The following JAZF1 variants were observed in gnomAD, a reference collection of about 807,000 sequenced individuals.
JAZF1 encodes the protein JAZF zinc finger 1, also known as juxtaposed with another zinc finger protein 1.
In JAZF1, 8 loss-of-function variants were observed where a neutral mutation model predicts 26.4. That is an observed-to-expected ratio of 0.30 (90% CI 0.18 to 0.55). The LOEUF is 0.55. JAZF1 is among the 20% of genes least tolerant of loss of function. JAZF1 has a pLI of 0.94. For synonymous variants in JAZF1, 126 were observed against 122.3 expected (o/e 1.03, Z -0.20); for missense variants, 199 against 322.0 (o/e 0.62, Z 2.92).
intron 3 of JAZF1, chr7:27,842,764 A>T (rs549125134): frequency 6.6e-6 from 1 of 152,344 alleles, no homozygotes; most frequent in Admixed American, 6.5e-5. Flanking sequence ...CTTGCTTGTT[A>T]GAAAACTATA....
intron 4 of JAZF1, among the ~76,000 whole-genome samples, chr7:27,839,028 C>T (rs529820735): frequency 9.4e-4 from 143 of 152,188 alleles, no homozygotes; most frequent in African/African-American, 3.3e-3. Context: ...TGCCAGAAAC[C>T]CAAGCAAAGG....
intron 1 of JAZF1, among the ~76,000 whole-genome samples, chr7:28,113,663 C>A (rs967654764): frequency 6.6e-6 from 1 of 152,158 alleles, no homozygotes; most frequent in Non-Finnish European, 1.5e-5. Context: ...TCATTTTACT[C>A]AATAATGAGG....
At chr7:27,856,658 C>G (rs1783262690) in intron 3 of JAZF1, among the ~76,000 whole-genome samples, 1 of 152,188 alleles carries the variant, frequency 6.6e-6, no homozygotes, top group African/African-American at 2.4e-5. Flanking sequence ...ACCAGATTAG[C>G]TAGATACAGA....
chr7:28,111,242 G>A (rs755406570), intron 1 of JAZF1, among the ~76,000 whole-genome samples: 3 of 152,196 alleles, frequency 2.0e-5, no homozygotes, highest in Non-Finnish European at 2.9e-5. Context: ...CAAATCTACC[G>A]TAGGCTTGCC....
chr7:27,902,187 C>T (rs915984916), intron 2 of JAZF1, among the ~76,000 whole-genome samples: 3 of 152,060 alleles, frequency 2.0e-5, no homozygotes, highest in African/African-American at 7.2e-5. Flanking sequence ...TGCCCCAGAC[C>T]CTAATGGGGG....
At chr7:27,972,341 G>A (rs748436659) in intron 2 of JAZF1, among the ~76,000 whole-genome samples, 5 of 152,226 alleles carry the variant, frequency 3.3e-5, no homozygotes, top group African/African-American at 4.8e-5. Context: ...GAGCATCCCA[G>A]TAGAGGGCCA....
intron 1 of JAZF1, among the ~76,000 whole-genome samples, chr7:28,103,193 T>A (rs938903089): frequency 7.2e-5 from 11 of 152,106 alleles, no homozygotes; most frequent in African/African-American, 2.4e-4. Context: ...CCGGATCTCA[T>A]CCAGTCTATT....
chr7:28,178,641 CTTTAT>C (rs912977115), intron 1 of JAZF1, among the ~76,000 whole-genome samples: 3 of 152,158 alleles, frequency 2.0e-5, no homozygotes, highest in Admixed American at 6.5e-5. Context: ...GGTGTTTTCG[CTTTAT>C]TTTAAACTAG....
At chr7:28,146,500 G>C (rs7796417) in intron 1 of JAZF1, among the ~76,000 whole-genome samples, 30,075 of 152,100 alleles carry the variant, frequency 0.2, 3,954 homozygotes, top group African/African-American at 0.35. Context: ...TACTAATTAA[G>C]TATTAAAAGG....
At chr7:27,859,828 C>T (rs917568675) in intron 3 of JAZF1, among the ~76,000 whole-genome samples, 3 of 152,140 alleles carry the variant, frequency 2.0e-5, no homozygotes, top group Non-Finnish European at 4.4e-5. Context: ...TGTAACAAAC[C>T]TGCACGTTCT....
chr7:27,878,923 T>C (rs770968300), intron 3 of JAZF1, among the ~76,000 whole-genome samples: 45 of 152,242 alleles, frequency 3.0e-4, no homozygotes, highest in Admixed American at 2.9e-3. Context: ...ACATACATTA[T>C]TATTTTTGTT....
rs1583453031 is a variant in JAZF1 at position 27,897,255 on chromosome 7, A to C, written c.189-1839T>G. ...AATTCAAACTAGTGTTTCAAATAGC[A>C]AAATAAACACGGACATGCTTATGGG... On this transcript the variant is annotated intron_variant, in intron 2 of 4. Coordinates refer to ENST00000283928, the MANE Select transcript of JAZF1 (RefSeq NM_175061.4). 2.0e-5 allele frequency among the ~76,000 whole-genome samples: 3 copies of C among 152,316 alleles called. No homozygotes were observed. The East Asian group carries it at 5.8e-4, about 29-fold the overall frequency.
chr7:28,055,530 G>T (rs550171419), intron 1 of JAZF1, among the ~76,000 whole-genome samples: 1 of 152,152 alleles, frequency 6.6e-6, no homozygotes, highest in Non-Finnish European at 1.5e-5. Context: ...ACATATGTAT[G>T]TATACCTTTC....
At chr7:28,049,524 A>C (rs1014682041) in intron 1 of JAZF1, among the ~76,000 whole-genome samples, 2 of 152,288 alleles carry the variant, frequency 1.3e-5, no homozygotes, top group Non-Finnish European at 2.9e-5. Context: ...CAATTCAATT[A>C]TGACACTAAT....
intron 1 of JAZF1, among the ~76,000 whole-genome samples, chr7:28,005,279 T>C (rs1562556433): frequency 1.3e-5 from 2 of 152,320 alleles, no homozygotes; most frequent in Middle Eastern, 3.4e-3. Flanking sequence ...TGTGCTGTCA[T>C]TATTCACCTT....
intron 1 of JAZF1, among the ~76,000 whole-genome samples, chr7:28,092,711 T>C (rs1317247100): frequency 2.6e-5 from 4 of 151,202 alleles, no homozygotes; most frequent in Non-Finnish European, 1.5e-5. Flanking sequence ...ACCAAAAAAA[T>C]TAGCTGAGTG....
At chr7:27,839,221 G>A (rs1176612041) in intron 4 of JAZF1, among the ~76,000 whole-genome samples, 4 of 152,104 alleles carry the variant, frequency 2.6e-5, no homozygotes, top group Non-Finnish European at 4.4e-5. Flanking sequence ...CTTGGCTCCC[G>A]CTTTTAACAT....
At chr7:27,889,448 T>A (rs1364215090) in intron 3 of JAZF1, among the ~76,000 whole-genome samples, 3 of 152,186 alleles carry the variant, frequency 2.0e-5, no homozygotes, top group Non-Finnish European at 4.4e-5. Flanking sequence ...TGGAAAGAGA[T>A]CCATTCAACT....
chr7:27,894,839 T>C (rs1396588644), intron 3 of JAZF1, among the ~76,000 whole-genome samples: 2 of 152,184 alleles, frequency 1.3e-5, no homozygotes, highest in African/African-American at 4.8e-5. Context: ...TAAATTATGT[T>C]TTCTCTAAAG....
Sources: allele counts gnomAD v4.1 joint callset (sites outside exome capture counted in the v4.1 genomes callset), GRCh38; gene constraint gnomAD v4.1.1; transcripts MANE v1.5; gene names NCBI Gene and HGNC (gene_info 2026-07-23, HGNC 2026-07-21).